The following BBX variants were observed in gnomAD, a reference collection of about 807,000 sequenced individuals.
BBX encodes the protein HMG box transcription factor BBX.
A neutral mutation model predicts 100.2 loss-of-function variants in BBX; 30 were observed. The observed-to-expected ratio is 0.30, with a 90% CI of 0.22 to 0.41. BBX has a LOEUF of 0.41. Among genes scored for constraint, BBX ranks in the 10% least tolerant of loss-of-function variants. BBX has a pLI of 1.00. For missense variants in BBX, 1,023 were observed against 1,129.8 expected, an observed-to-expected ratio of 0.91 and a Z score of 1.35; for synonymous variants, 376 against 388.1, an observed-to-expected ratio of 0.97 and a Z score of 0.37.
At chr3:107,716,524 A>G (rs1249803990) in intron 4 of BBX, 83 bp from the exon 5 acceptor site, 3 of 1,512,318 alleles carry the variant, frequency 2.0e-6, no homozygotes, top group East Asian at 4.6e-5. Flanking sequence ...AGAAAAAAAT[A>G]CAATTTGCAA....
intron 8 of BBX, 128 bp downstream of exon 8, chr3:107,744,838 C>A: frequency 1.4e-6 from 1 of 718,324 alleles, no homozygotes; most frequent in Non-Finnish European, 2.4e-6. Context: ...AAAATAGAAT[C>A]AAATTTTGGA....
At chr3:107,679,398 C>A (rs892853449) in intron 3 of BBX, among the ~76,000 whole-genome samples, 1 of 152,020 alleles carries the variant, frequency 6.6e-6, no homozygotes, top group East Asian at 1.9e-4. Context: ...GGGCTTGAGT[C>A]GCATATTTTC....
At chr3:107,623,592 A>G (rs888923360) in intron 2 of BBX, among the ~76,000 whole-genome samples, 7 of 152,162 alleles carry the variant, frequency 4.6e-5, no homozygotes, top group African/African-American at 1.7e-4. Flanking sequence ...TAACAGGAAG[A>G]GCAGGAGTAG....
chr3:107,622,957 A>T (rs1256108608), intron 2 of BBX, among the ~76,000 whole-genome samples: 2 of 152,188 alleles, frequency 1.3e-5, no homozygotes, highest in African/African-American at 4.8e-5. Flanking sequence ...CCCAATGGCC[A>T]GTTTGGGAAT....
intron 9 of BBX, 125 bp downstream of exon 9, chr3:107,748,164 C>A: frequency 1.4e-6 from 1 of 697,744 alleles, no homozygotes; most frequent in Non-Finnish European, 2.3e-6. Flanking sequence ...ACATAATACA[C>A]ATAACAGAAT....
intron 2 of BBX, among the ~76,000 whole-genome samples, chr3:107,635,173 A>G (rs966710558): frequency 3.9e-5 from 6 of 152,186 alleles, no homozygotes; most frequent in African/African-American, 1.4e-4. Flanking sequence ...ATTTTATTTG[A>G]AAATTATATT....
At chr3:107,638,226 A>G (rs183821973) in intron 2 of BBX, among the ~76,000 whole-genome samples, 8 of 151,848 alleles carry the variant, frequency 5.3e-5, no homozygotes, top group Admixed American at 5.2e-4. Flanking sequence ...AAATTTTTAA[A>G]TATTTTGTAC....
chr3:107,601,713 G>C (rs957560895), intron 2 of BBX, among the ~76,000 whole-genome samples: 1 of 152,256 alleles, frequency 6.6e-6, no homozygotes, highest in African/African-American at 2.4e-5. Flanking sequence ...AAAAGTGCAA[G>C]AGGAAGCAGC....
At chr3:107,798,067 A>G (rs939415723) in intron 15 of BBX, among the ~76,000 whole-genome samples, 4 of 152,222 alleles carry the variant, frequency 2.6e-5, no homozygotes, top group African/African-American at 9.7e-5. Context: ...TTAAAAGCAA[A>G]TGTCCCAACC....
intron 3 of BBX, chr3:107,661,804 G>A: frequency 1.2e-6 from 1 of 841,292 alleles, no homozygotes; most frequent in Non-Finnish European, 1.4e-6. Flanking sequence ...ACTGTCTCTG[G>A]TCTCTGTGTT....
At chr3:107,752,037 A>C (rs2065116731) in intron 9 of BBX, among the ~76,000 whole-genome samples, 1 of 152,252 alleles carries the variant, frequency 6.6e-6, no homozygotes. Flanking sequence ...AGCCATGACC[A>C]ATCCACATAT....
intron 4 of BBX, among the ~76,000 whole-genome samples, chr3:107,711,819 C>G (rs930370768): frequency 1.3e-5 from 2 of 152,028 alleles, no homozygotes; most frequent in African/African-American, 2.4e-5. Context: ...ATGAGGGCAC[C>G]CACTCCTGTT....
intron 15 of BBX, among the ~76,000 whole-genome samples, chr3:107,796,299 T>G (rs2069659453): frequency 6.6e-6 from 1 of 152,208 alleles, no homozygotes; most frequent in Admixed American, 6.5e-5. Context: ...CCTCCTTGGT[T>G]CTTCTTTCCG....
intron 2 of BBX, among the ~76,000 whole-genome samples, chr3:107,544,083 C>T (rs950828019): frequency 1.3e-5 from 2 of 152,064 alleles, no homozygotes; most frequent in Non-Finnish European, 2.9e-5. Flanking sequence ...TATCTTTTGT[C>T]CTGCAGTTCA....
rs142479615 is a variant in BBX at position 107,698,450 on chromosome 3, A to C, written c.-9-12002A>C. On this transcript the variant is annotated intron_variant, in intron 3 of 17. Transcript: ENST00000325805. Reference sequence around the variant, plus strand: ...GGCGGCTCACAAGGTCAGGAGTTTGACATCAGCCTGGCCAATATGGTGAAA... The same window carrying C: ...GGCGGCTCACAAGGTCAGGAGTTTGCCATCAGCCTGGCCAATATGGTGAAA... Among the ~76,000 whole-genome samples the C allele has an allele frequency of 4.4e-4, 67 of 151,728 alleles. 2 individuals are homozygous for C. The highest frequency in any genetic ancestry group is 1.6e-3 in the African/African-American group (64 of 41,066).
At chr3:107,670,497 C>T (rs2058964384) in intron 3 of BBX, among the ~76,000 whole-genome samples, 1 of 151,860 alleles carries the variant, frequency 6.6e-6, no homozygotes, top group Non-Finnish European at 1.5e-5. Flanking sequence ...GATCTGATTA[C>T]TATACATCGT....
intron 3 of BBX, among the ~76,000 whole-genome samples, chr3:107,697,779 G>A (rs917474793): frequency 6.6e-6 from 1 of 151,954 alleles, no homozygotes; most frequent in East Asian, 1.9e-4. Flanking sequence ...GGCAATGGCG[G>A]GCGCCCCTCC....
At chr3:107,648,383 G>A (rs2057650348) in intron 3 of BBX, among the ~76,000 whole-genome samples, 1 of 151,966 alleles carries the variant, frequency 6.6e-6, no homozygotes, top group African/African-American at 2.4e-5. Context: ...CTGCAAACTG[G>A]ACCCTCTGTA....
intron 15 of BBX, among the ~76,000 whole-genome samples, chr3:107,794,316 A>G (rs1448731658): frequency 6.6e-6 from 1 of 152,186 alleles, no homozygotes; most frequent in African/African-American, 2.4e-5. Context: ...ACAAGCAGAT[A>G]GGGAAGAAAC....
Sources: gnomAD v4.1 joint callset for allele counts (sites outside exome capture counted in the v4.1 genomes callset) on GRCh38, gnomAD v4.1.1 for gene constraint, MANE v1.5 for transcripts, NCBI Gene and HGNC (gene_info 2026-07-23, HGNC 2026-07-21) for gene names.